The following MYO5B variants were observed in gnomAD, a reference collection of about 807,000 sequenced individuals.
The protein encoded by MYO5B is unconventional myosin-Vb.
Under a neutral mutation model 229.3 loss-of-function variants are expected in MYO5B, and 143 were observed. The observed-to-expected ratio is 0.62, with a 90% CI of 0.54 to 0.72. The LOEUF (loss-of-function observed/expected upper bound fraction) is 0.72. Ranked by LOEUF, MYO5B falls within the 30% of genes least tolerant of loss-of-function variation. The probability of loss-of-function intolerance (pLI) is 0.00; values close to 1 mark genes in which losing one functional copy is unlikely to be tolerated. For missense variants in MYO5B, 2,321 were observed against 2,331.0 expected (o/e 1.00, Z 0.09); for synonymous variants, 918 against 885.2 (o/e 1.04, Z -0.66).
At chr18:50,189,461 A>G (rs1451392443) in intron 1 of MYO5B, among the ~76,000 whole-genome samples, 3 of 152,232 alleles carry the variant, frequency 2.0e-5, no homozygotes, top group Non-Finnish European at 4.4e-5. Context: ...TTACAGTGCC[A>G]TTGGTTAAGG....
At chr18:50,032,102 C>T (rs4939932) in intron 4 of MYO5B, among the ~76,000 whole-genome samples, 148,940 of 152,326 alleles carry the variant, frequency 0.98, 72,910 homozygotes, top group East Asian at 1. Context: ...TCTAACTTTA[C>T]AGCCCAGAAC....
At chr18:49,970,176 A>AT (rs1402078011) in intron 10 of MYO5B, among the ~76,000 whole-genome samples, 1 of 152,184 alleles carries the variant, frequency 6.6e-6, no homozygotes, top group African/African-American at 2.4e-5. Flanking sequence ...CCCAGCCAAA[A>AT]GCTGCCAGGA....
intron 1 of MYO5B, among the ~76,000 whole-genome samples, chr18:50,068,676 C>G (rs966116338): frequency 7.2e-5 from 11 of 152,156 alleles, no homozygotes; most frequent in Admixed American, 6.5e-4. Flanking sequence ...CAAAAGGCAA[C>G]TGGGTCTTGG....
At chr18:50,127,568 G>A (rs1341890518) in intron 1 of MYO5B, among the ~76,000 whole-genome samples, 3 of 152,200 alleles carry the variant, frequency 2.0e-5, no homozygotes, top group Non-Finnish European at 4.4e-5. Flanking sequence ...GAGCCCTGGT[G>A]GAGCGCATAA....
At chr18:49,861,945 T>C (rs1247668326) in intron 29 of MYO5B, among the ~76,000 whole-genome samples, 1 of 152,012 alleles carries the variant, frequency 6.6e-6, no homozygotes, top group Non-Finnish European at 1.5e-5. Context: ...ATCAACATTC[T>C]ATTAGTTGAG....
intron 1 of MYO5B, among the ~76,000 whole-genome samples, chr18:50,066,659 G>C (rs1265488788): frequency 2.0e-5 from 3 of 152,172 alleles, no homozygotes; most frequent in African/African-American, 4.8e-5. Flanking sequence ...CACACACACT[G>C]AGTTGCAGCC....
intron 33 of MYO5B, 61 bp downstream of exon 33, chr18:49,847,085 G>C: frequency 6.2e-7 from 1 of 1,605,602 alleles, no homozygotes; most frequent in African/African-American, 1.3e-5. Flanking sequence ...GCTGGGGATG[G>C]AGATGGGAGC....
Position 49,953,246 on chromosome 18 carries a change from C to T in MYO5B, c.1752+14G>A. On this transcript the variant is annotated intron_variant, in intron 14 of 39. Coordinates refer to ENST00000285039, the MANE Select transcript of MYO5B (RefSeq NM_001080467.3). ...GGCATTCCTGCTCCACTCCCCACTTCTGACACTCTTTACCTTGCTGGCCTT... is the reference window on the plus strand; with the variant it reads ...GGCATTCCTGCTCCACTCCCCACTTTTGACACTCTTTACCTTGCTGGCCTT... 6.2e-7 allele frequency: 1 copy of T among 1,612,950 alleles called. No individual in the cohort carries two copies. Among genetic ancestry groups the T allele is most frequent in the Non-Finnish European group, 8.5e-7 (1 of 1,178,934 alleles).
Position 50,122,439 on chromosome 18 carries a change from TAAAA to T in MYO5B, c.28-67065_28-67062del, listed in dbSNP as rs71169481. On this transcript the variant is annotated intron_variant, in intron 1 of 39. Transcript: ENST00000285039. The stretch of plus-strand genomic sequence containing the variant: ...CAACATGGTGAAACCCTGTCTCAAC[TAAAA>T]AAAAAAAAAAAAAAAAAATCAGCCA... 1.7e-3 allele frequency among the ~76,000 whole-genome samples: 72 copies of T among 41,886 alleles called. 6 individuals are homozygous for T. In the East Asian group the frequency reaches 0.057, roughly 33 times the overall value. 27.5% of individuals were successfully genotyped at this position (41,886 alleles called of 152,430 possible). A position where few individuals can be genotyped will look rare whatever the true frequency, so the allele number is the denominator to read the frequency against.
chr18:49,953,984 CTA>C (rs1477587750), intron 13 of MYO5B, among the ~76,000 whole-genome samples: 1 of 127,112 alleles, frequency 7.9e-6, no homozygotes, highest in African/African-American at 3.2e-5. Context: ...TGTGTATAGA[CTA>C]TATATATACA....
rs1446291952 is a variant in MYO5B at position 50,055,346 on chromosome 18, C to G, written c.60G>C (p.Glu20Asp). The change falls in exon 2 of 40, where the codon GAG becomes GAC. Residue 20 changes from glutamate (E) to aspartate (D), a missense_variant. Around this residue, in one of 2 missense-constraint regions of MYO5B, gnomAD observed 2,113 missense variants for 2,044.7 expected, o/e 1.03. Coordinates refer to ENST00000285039, the MANE Select transcript of MYO5B (RefSeq NM_001080467.3). ...TGGTTAACTCAGCTGAGCGCCATACCTCATCAGGGTCAGGGATCCAGACCC... is the reference window on the plus strand; with the variant it reads ...TGGTTAACTCAGCTGAGCGCCATACGTCATCAGGGTCAGGGATCCAGACCC... Reference protein sequence around the residue: ...CTRVWIPDPDEVWRSAELTKD... With the variant: ...CTRVWIPDPDDVWRSAELTKD... 3.1e-6 allele frequency: 5 copies of G among 1,613,470 alleles called. No individual in the cohort carries two copies. In the South Asian group the frequency reaches 4.4e-5, roughly 14 times the overall value.
intron 1 of MYO5B, among the ~76,000 whole-genome samples, chr18:50,086,189 C>T (rs192600569): frequency 1.3e-5 from 2 of 152,244 alleles, no homozygotes; most frequent in Admixed American, 6.5e-5. Flanking sequence ...TATTTCTACT[C>T]ACTCCAGATT....
intron 21 of MYO5B, among the ~76,000 whole-genome samples, chr18:49,898,468 T>C (rs1474299704): frequency 6.6e-6 from 1 of 152,176 alleles, no homozygotes; most frequent in Non-Finnish European, 1.5e-5. Flanking sequence ...TTGACTAAAG[T>C]TAGGCTGGCA....
chr18:49,963,400 TTTAA>T (rs367589656), intron 10 of MYO5B, among the ~76,000 whole-genome samples: 67 of 147,580 alleles, frequency 4.5e-4, no homozygotes, highest in East Asian at 1.2e-3. Context: ...ACTTATTTAA[TTTAA>T]TTAATTAATT....
intron 1 of MYO5B, among the ~76,000 whole-genome samples, chr18:50,155,152 A>C (rs778376551): frequency 1.3e-5 from 2 of 152,230 alleles, no homozygotes; most frequent in Non-Finnish European, 2.9e-5. Context: ...GACCTTCCAT[A>C]AATAGTAGCT....
chr18:49,858,202 A>C (rs1849300034), intron 29 of MYO5B, among the ~76,000 whole-genome samples: 1 of 152,202 alleles, frequency 6.6e-6, no homozygotes, highest in Non-Finnish European at 1.5e-5. Context: ...TCCATCATTA[A>C]CATCAACATA....
chr18:49,836,742 C>T lies in MYO5B; in HGVS notation c.5282G>A (p.Cys1761Tyr), dbSNP rs771481649. 10 of 1,614,000 alleles carry T rather than the reference C, an allele frequency of 6.2e-6. No individual in the cohort carries two copies. The highest frequency in any genetic ancestry group is 2.2e-5 in the South Asian group (2 of 91,088). Residue 1761 changes from cysteine to tyrosine, a missense_variant, in exon 38 of 40, where the codon TGC becomes TAC. Coordinates refer to ENST00000285039, the MANE Select transcript of MYO5B (RefSeq NM_001080467.3). ...GGTGCTGAGGGAGGTACACAGGGAG[C>T]AGATAGCCTCTGCGTCCTCCTGGGT... ...KKTQEDAEAI[C>Y]SLCTSLSTQQ... is the part of the protein sequence containing the mutation.
At chr18:49,883,516 T>A (rs2024610798) in intron 22 of MYO5B, among the ~76,000 whole-genome samples, 1 of 152,210 alleles carries the variant, frequency 6.6e-6, no homozygotes, top group Non-Finnish European at 1.5e-5. Flanking sequence ...CATCTTGAGA[T>A]AATGGATCAA....
chr18:49,938,025 G>A (rs1228229346), intron 14 of MYO5B, among the ~76,000 whole-genome samples: 1 of 152,078 alleles, frequency 6.6e-6, no homozygotes. Context: ...TTAAATGGTA[G>A]GAAAAAAGTT....
Sources: allele counts gnomAD v4.1 joint callset (sites outside exome capture counted in the v4.1 genomes callset), GRCh38; gene constraint gnomAD v4.1.1; regional missense constraint gnomAD v4.1.1; transcripts MANE v1.5; gene names NCBI Gene and HGNC (gene_info 2026-07-23, HGNC 2026-07-21).